NEB: variants seen among roughly 807,000 people sequenced by gnomAD.
NEB encodes the protein nemaline myopathy type 2.
In NEB, 512 loss-of-function variants were observed where a neutral mutation model predicts 952.2. That is an observed-to-expected ratio of 0.54 (90% CI 0.50 to 0.58). The LOEUF (loss-of-function observed/expected upper bound fraction) is 0.58. NEB is among the 20% of genes least tolerant of loss of function. The probability of loss-of-function intolerance (pLI) is 0.00; values close to 1 mark genes in which losing one functional copy is unlikely to be tolerated. For synonymous variants in NEB, 2,900 were observed against 3,149.8 expected (o/e 0.92, Z 2.66); for missense variants, 8,428 against 9,231.1 (o/e 0.91, Z 3.56).
chr2:151,540,212 T>TAA (rs66541369), intron 138 of NEB, 132 bp downstream of exon 138: 80 of 494,466 alleles, frequency 1.6e-4, no homozygotes, highest in South Asian at 1.1e-4. Context: ...TTTTTCTCTT[T>TAA]AAAAAAATGT....
At position 151,519,883 on chromosome 2, in the gene NEB, A is replaced by G; in HGVS notation, c.22480-115T>C. 3 of 671,308 alleles carry G rather than the reference A, an allele frequency of 4.5e-6. No homozygotes were observed. The South Asian group carries it at 5.5e-5, about 12-fold the overall frequency. 41.6% of individuals were successfully genotyped at this position (671,308 alleles called of 1,614,324 possible). A position where few individuals can be genotyped will look rare whatever the true frequency, so the allele number is the denominator to read the frequency against. On this transcript the variant is annotated intron_variant, in intron 153 of 181. Transcript: ENST00000397345. ...TGCATTGTACATAGAGTGATCATAT[A>G]ATCTATTATCCAAACTGGGACATTT...
chr2:151,695,598 T>C lies in NEB; in HGVS notation c.1654A>G (p.Asn552Asp), dbSNP rs2099590400. The C allele has an allele frequency of 6.2e-7, 1 of 1,613,736 alleles. No homozygotes were observed. The highest frequency in any genetic ancestry group is 8.5e-7 in the Non-Finnish European group (1 of 1,179,664). Residue 552 changes from asparagine to aspartate, a missense_variant, in exon 18 of 182, where the codon AAT becomes GAT. Physicochemically the swap from Asn to Asp is conservative, Grantham distance 23. Coordinates refer to ENST00000397345, the MANE Select transcript of NEB (RefSeq NM_001164508.2). ...CTTACATCACTCAAGTTATAGGCAT[T>C]GACTTTGTGCTGGATAAAAGCAGGA... ...DTPAFIQHKVNAYNLSDNLYK... is the reference protein window; with the variant it reads ...DTPAFIQHKVDAYNLSDNLYK...
At position 151,655,292 on chromosome 2, in the gene NEB, T is replaced by A. The variant is rs1412246532; in HGVS notation, c.6785A>T (p.Gln2262Leu). 1 of 1,588,910 alleles carries A rather than the reference T, an allele frequency of 6.3e-7. No individual in the cohort carries two copies. Among genetic ancestry groups the A allele is most frequent in the African/African-American group, 1.3e-5 (1 of 74,356 alleles). Residue 2262 changes from glutamine (Q) to leucine (L), a missense_variant, in exon 51 of 182, where the codon CAG becomes CTG. By Grantham distance (113) the Gln-to-Leu change is moderately radical. Transcript: ENST00000397345. The stretch of plus-strand genomic sequence containing the variant: ...TACCTGACTATACAGTGTTTGATTC[T>A]GCTTGGCTTGTAAAATATCTGGTGT... Reference protein sequence around the residue: ...PDTPDILQAKQNQTLYSQKLY... With the variant: ...PDTPDILQAKLNQTLYSQKLY...
At position 151,526,180 on chromosome 2, in the gene NEB, G is replaced by A. The variant is rs547441716; in HGVS notation, c.22028C>T (p.Thr7343Ile). 1 of 1,613,910 alleles carries A rather than the reference G, an allele frequency of 6.2e-7. No individual in the cohort carries two copies. The highest frequency in any genetic ancestry group is 1.3e-5 in the African/African-American group (1 of 75,056). Residue 7343 changes from threonine to isoleucine, a missense_variant, in exon 149 of 182, where the codon ACT becomes ATT. Around this residue, in one of 11 missense-constraint regions of NEB, gnomAD observed 3,374 missense variants for 3,651.5 expected, o/e 0.92. Transcript: ENST00000397345. ...PDTPQILLAK[T>I]VSNLVSENKY... Reference sequence around the variant, plus strand: ...TACCTCAGACACCAGGTTGCTGACAGTCTTCGCCAGCAGGATCTGAGGCGT... The same window carrying A: ...TACCTCAGACACCAGGTTGCTGACAATCTTCGCCAGCAGGATCTGAGGCGT...
intron 167 of NEB, among the ~76,000 whole-genome samples, 177 bp from the exon 168 acceptor site, chr2:151,501,660 A>G (rs1322123438): frequency 1.3e-5 from 2 of 152,252 alleles, no homozygotes; most frequent in East Asian, 3.8e-4. Flanking sequence ...AGTCACACAC[A>G]GGATGTCTGT....
At chr2:151,501,843 G>C (rs1268067239) in intron 167 of NEB, among the ~76,000 whole-genome samples, 2 of 152,110 alleles carry the variant, frequency 1.3e-5, no homozygotes, top group African/African-American at 4.8e-5. Context: ...AGGAGAGAGA[G>C]AGACAGGTAG....
intron 160 of NEB, 148 bp from the exon 161 acceptor site, chr2:151,512,985 A>T (rs142620932): frequency 0.013 from 8,200 of 643,836 alleles, 109 homozygotes; most frequent in South Asian, 0.027. Flanking sequence ...TATTTTGTTC[A>T]TAGTTTTATA....
intron 38 of NEB, among the ~76,000 whole-genome samples, chr2:151,670,322 A>G (rs2099269579): frequency 6.6e-6 from 1 of 152,092 alleles, no homozygotes; most frequent in Admixed American, 6.5e-5. Flanking sequence ...CTTTTTACTT[A>G]CCCGTCTCTT....
rs537193914 is a variant in NEB, at chr2:151,709,566, C to T, written c.1035+90G>A. 2.6e-4 allele frequency: 249 copies of T among 964,814 alleles called. 1 individual carries two copies. The African/African-American group carries it at 3.2e-3, about 12-fold the overall frequency. The allele number at this position is 964,814 out of a possible 1,614,324, so 59.8% of individuals were successfully genotyped here. A position where few individuals can be genotyped will look rare whatever the true frequency, so the allele number is the denominator to read the frequency against. On this transcript the variant is annotated intron_variant, in intron 12 of 181. Coordinates refer to ENST00000397345, the MANE Select transcript of NEB (RefSeq NM_001164508.2). ...TAGTTCCCCCAAGAACCACTCCTCC[C>T]CTTTTTTACTAATTATATACAAGAG... is the stretch of plus-strand genomic sequence containing the variant.
intron 113 of NEB, 125 bp downstream of exon 113, chr2:151,567,946 C>T (rs2096480529): frequency 7.3e-6 from 5 of 684,402 alleles, no homozygotes; most frequent in Admixed American, 5.1e-5. Context: ...CATCACCAAG[C>T]CTGGCCAGGT....
At position 151,626,003 on chromosome 2, in the gene NEB, A is replaced by G. The variant is rs183358017; in HGVS notation, c.10348-365T>C. 2.6e-5 allele frequency among the ~76,000 whole-genome samples: 4 copies of G among 152,056 alleles called. No individual in the cohort carries two copies. In the East Asian group the frequency reaches 5.8e-4, roughly 22 times the overall value. On this transcript the variant is annotated intron_variant, in intron 70 of 181. Coordinates refer to ENST00000397345, the MANE Select transcript of NEB (RefSeq NM_001164508.2). ...ATGACTATATTAACAAATCCTTCCC[A>G]TGATTTTATTTGTTTGATGCTGTTT... is the stretch of plus-strand genomic sequence containing the variant.
Position 151,606,944 on chromosome 2 carries a change from T to C in NEB, c.12640-231A>G, listed in dbSNP as rs375977317. 1.2e-3 allele frequency among the ~76,000 whole-genome samples: 99 copies of C among 84,876 alleles called. 37 individuals carry two copies. In the East Asian group the frequency reaches 0.036, roughly 31 times the overall value. The allele number at this position is 84,876 out of a possible 152,430, so 55.7% of individuals were successfully genotyped here. On this transcript the variant is annotated intron_variant, in intron 83 of 181. Transcript: ENST00000397345. ...CTCTATTAATGTTTGAATATTTGCA[T>C]CCATCACAATATGGTATGCATTTGA... is the stretch of plus-strand genomic sequence containing the variant.
At chr2:151,667,751 GA>G in intron 40 of NEB, 52 bp downstream of exon 40, 1 of 1,440,586 alleles carries the variant, frequency 6.9e-7, no homozygotes, top group Non-Finnish European at 9.7e-7. Context: ...GGCTGGTCTT[GA>G]ACTCCTGAAG....
rs374538366 is a variant in NEB at position 151,724,287 on chromosome 2, G to C, written c.585C>G (p.Ala195=). 40 of 1,612,888 alleles carry C rather than the reference G, an allele frequency of 2.5e-5. No individual in the cohort carries two copies. The highest frequency in any genetic ancestry group is 3.2e-5 in the Non-Finnish European group (38 of 1,179,510). ...LPPDAPELVQ[A]VKNTAMFSKK... ...TGCTGAACATGGCGGTGTTCTTAAC[G>C]GCCTGGACAAGTTCAGGGGCATCAG... The change falls in exon 8 of 182, where the codon GCC becomes GCG. Residue 195 remains alanine, a synonymous_variant. Transcript: ENST00000397345.
In NEB at chr2:151,568,394, A is replaced by T. The variant is rs763191027; in HGVS notation, c.17658T>A (p.Asn5886Lys). 1 of 1,608,882 alleles carries T rather than the reference A, an allele frequency of 6.2e-7. No homozygotes were observed. The highest frequency in any genetic ancestry group is 2.2e-5 in the East Asian group (1 of 44,648). ...LDDIKYRKDWNATKSKYTLTE... is the reference protein window; with the variant it reads ...LDDIKYRKDWKATKSKYTLTE... ...TGAGGGTGTACTTTGATTTGGTGGC[A>T]TTCCAGTCTTTCCGGTATTTAATCT... The change falls in exon 112 of 182, where the codon AAT becomes AAA. Residue 5886 changes from asparagine (N) to lysine (K), a missense_variant. Physicochemically the swap from Asn to Lys is moderately conservative, Grantham distance 94. Transcript: ENST00000397345.
chr2:151,496,460 A>AAAAC, intron 172 of NEB, 92 bp from the exon 173 acceptor site: 1 of 1,481,060 alleles, frequency 6.8e-7, no homozygotes, highest in South Asian at 1.3e-5. Flanking sequence ...CCTTGTTAAG[A>AAAAC]AAACACAGTC....
In NEB at chr2:151,524,654, C is replaced by CTTTTTTT. The variant is rs5835371; in HGVS notation, c.22273-45_22273-39dup. The CTTTTTTT allele has an allele frequency of 2.4e-4, 62 of 257,378 alleles. 4 individuals are homozygous for CTTTTTTT. The highest frequency in any genetic ancestry group is 7.7e-4 in the South Asian group (26 of 33,622). The allele number at this position is 257,378 out of a possible 1,614,324, so 15.9% of individuals were successfully genotyped here. On this transcript the variant is annotated intron_variant, in intron 151 of 181. Transcript: ENST00000397345. ...AGAAAATGTTTACTCAAGAGAGAGGCTTTTTTTTTTTTTTTTTTTTTTTTT... is the reference window on the plus strand; with the variant it reads ...AGAAAATGTTTACTCAAGAGAGAGGCTTTTTTTTTTTTTTTTTTTTTTTTTTTTTTTT...
chr2:151,645,900 A>G (rs183061446), intron 55 of NEB, among the ~76,000 whole-genome samples: 2 of 152,326 alleles, frequency 1.3e-5, no homozygotes, highest in East Asian at 1.9e-4. Flanking sequence ...GATGATATGT[A>G]TAACAACGGA....
chr2:151,698,886 T>C (rs1201406096), intron 13 of NEB, among the ~76,000 whole-genome samples: 6 of 150,596 alleles, frequency 4.0e-5, no homozygotes, highest in Admixed American at 2.6e-4. Context: ...TTTTTAATTA[T>C]ACTTTAAGTT....
Sources: allele counts gnomAD v4.1 joint callset (sites outside exome capture counted in the v4.1 genomes callset), GRCh38; gene constraint gnomAD v4.1.1; regional missense constraint gnomAD v4.1.1; transcripts MANE v1.5; gene names NCBI Gene and HGNC (gene_info 2026-07-23, HGNC 2026-07-21).